Variants in MYRIP observed in about 807,000 individuals in gnomAD.
MYRIP encodes the protein rab effector MyRIP.
In MYRIP, 49 loss-of-function variants were observed where a neutral mutation model predicts 98.0. The observed-to-expected ratio is 0.50, with a 90% CI of 0.40 to 0.63. The LOEUF (loss-of-function observed/expected upper bound fraction) is 0.63. Among genes scored for constraint, MYRIP ranks in the 30% least tolerant of loss-of-function variants. The pLI, the probability that MYRIP is intolerant of heterozygous loss-of-function variation, is 0.00. For synonymous variants in MYRIP, 404 were observed against 409.5 expected, an observed-to-expected ratio of 0.99 and a Z score of 0.16; for missense variants, 1,004 against 1,058.2, an observed-to-expected ratio of 0.95 and a Z score of 0.71.
intron 2 of MYRIP, among the ~76,000 whole-genome samples, chr3:39,997,057 A>G (rs1946378556): frequency 1.3e-5 from 2 of 152,218 alleles, no homozygotes; most frequent in South Asian, 4.1e-4. Flanking sequence ...AATTTATAGC[A>G]CTAAATGCCC....
intron 1 of MYRIP, among the ~76,000 whole-genome samples, chr3:39,895,632 A>C (rs914662691): frequency 6.6e-6 from 1 of 152,190 alleles, no homozygotes; most frequent in Non-Finnish European, 1.5e-5. Context: ...AAGAACTAAT[A>C]TTGTAAAGAT....
At chr3:39,862,829 AT>A (rs1286489062) in intron 1 of MYRIP, among the ~76,000 whole-genome samples, 1 of 152,204 alleles carries the variant, frequency 6.6e-6, no homozygotes, top group Admixed American at 6.5e-5. Context: ...AAACAACAGA[AT>A]ATCCATCCAT....
At chr3:39,878,195 G>A (rs139798229) in intron 1 of MYRIP, among the ~76,000 whole-genome samples, 92 of 152,304 alleles carry the variant, frequency 6.0e-4, no homozygotes, top group Middle Eastern at 3.4e-3. Flanking sequence ...TAGGCCTGTC[G>A]GAGAAGCGCA....
At chr3:39,834,531 T>C (rs1469885447) in intron 1 of MYRIP, among the ~76,000 whole-genome samples, 1 of 152,200 alleles carries the variant, frequency 6.6e-6, no homozygotes, top group East Asian at 1.9e-4. Context: ...TGGTAAAGTT[T>C]AACTAAATTT....
At position 39,882,973 on chromosome 3, in the gene MYRIP, AT is replaced by A. The variant is rs147778865; in HGVS notation, c.-30-17813del. ...AAGCTGAATAAAATATGAGAGAAAAATAAAAAATATGTCTCTTTAAAGCCAT... is the reference window on the plus strand; with the variant it reads ...AAGCTGAATAAAATATGAGAGAAAAAAAAAAATATGTCTCTTTAAAGCCAT... On this transcript the variant is annotated intron_variant, in intron 1 of 16. Transcript: ENST00000302541. Among the ~76,000 whole-genome samples the A allele has an allele frequency of 8.3e-3, 1,237 of 149,876 alleles. 28 individuals carry two copies. The highest frequency in any genetic ancestry group is 0.029 in the African/African-American group (1,140 of 39,518).
chr3:40,251,105 C>T (rs373047889), intron 15 of MYRIP, among the ~76,000 whole-genome samples: 1 of 152,330 alleles, frequency 6.6e-6, no homozygotes, highest in Middle Eastern at 3.4e-3. Flanking sequence ...CCAGTCATGT[C>T]GCCTTTATCT....
At chr3:39,850,098 C>T (rs1242133441) in intron 1 of MYRIP, among the ~76,000 whole-genome samples, 3 of 152,080 alleles carry the variant, frequency 2.0e-5, no homozygotes, top group African/African-American at 2.4e-5. Context: ...CACAGGGAGT[C>T]GAGTAGAGGA....
chr3:39,827,771 C>T lies in MYRIP; in HGVS notation c.-31+17855C>T, dbSNP rs557571088. Among the ~76,000 whole-genome samples, 10 of 152,228 alleles carry T rather than the reference C, an allele frequency of 6.6e-5. No individual in the cohort carries two copies. The East Asian group carries it at 1.9e-3, about 29-fold the overall frequency. Reference sequence around the variant, plus strand: ...CCCCATGGAAGATGCCCTTGAGCATCTTGTCTAGTGGTGATCAATTCCCTG... The same window carrying T: ...CCCCATGGAAGATGCCCTTGAGCATTTTGTCTAGTGGTGATCAATTCCCTG... On this transcript the variant is annotated intron_variant, in intron 1 of 16. Coordinates refer to ENST00000302541, the MANE Select transcript of MYRIP (RefSeq NM_015460.4).
intron 2 of MYRIP, among the ~76,000 whole-genome samples, chr3:39,951,344 G>C (rs1284678939): frequency 6.6e-6 from 1 of 151,830 alleles, no homozygotes; most frequent in Admixed American, 6.6e-5. Flanking sequence ...TGGGTGAAGG[G>C]GAAGGAGATT....
At chr3:39,887,294 G>T (rs988547335) in intron 1 of MYRIP, among the ~76,000 whole-genome samples, 3 of 151,472 alleles carry the variant, frequency 2.0e-5, no homozygotes, top group African/African-American at 7.3e-5. Flanking sequence ...AAAAGCAAGA[G>T]CAAACACATT....
chr3:40,119,773 G>C (rs376776798), intron 3 of MYRIP, among the ~76,000 whole-genome samples: 5 of 152,032 alleles, frequency 3.3e-5, no homozygotes, highest in African/African-American at 1.2e-4. Context: ...TTGTGGGGTG[G>C]GGGGAGCAGG....
At chr3:40,039,075 C>G (rs1357364462) in intron 2 of MYRIP, among the ~76,000 whole-genome samples, 1 of 152,100 alleles carries the variant, frequency 6.6e-6, no homozygotes, top group Non-Finnish European at 1.5e-5. Flanking sequence ...TCTGTTCGGC[C>G]TGGAGCTGGG....
chr3:39,903,973 C>T (rs954436890), intron 2 of MYRIP, among the ~76,000 whole-genome samples: 2 of 152,200 alleles, frequency 1.3e-5, no homozygotes, highest in Admixed American at 6.5e-5. Flanking sequence ...AAGGTCCACT[C>T]ATTAGTCTGG....
intron 2 of MYRIP, among the ~76,000 whole-genome samples, chr3:40,026,079 G>A (rs558149895): frequency 2.0e-5 from 3 of 152,168 alleles, no homozygotes; most frequent in East Asian, 1.9e-4. Context: ...AGACCAGAGC[G>A]TATTTCAGTC....
chr3:39,957,683 A>T (rs1040968710), intron 2 of MYRIP, among the ~76,000 whole-genome samples: 1 of 151,620 alleles, frequency 6.6e-6, no homozygotes, highest in Non-Finnish European at 1.5e-5. Flanking sequence ...GGCCAGGGCA[A>T]TCAGGCAGGA....
At chr3:40,248,879 C>T (rs1953284527) in intron 13 of MYRIP, among the ~76,000 whole-genome samples, 1 of 152,248 alleles carries the variant, frequency 6.6e-6, no homozygotes, top group Admixed American at 6.5e-5. Context: ...GGGAAGGACT[C>T]AAGTGGTGCC....
intron 2 of MYRIP, among the ~76,000 whole-genome samples, chr3:39,935,109 C>T (rs1191500937): frequency 6.6e-6 from 1 of 152,146 alleles, no homozygotes; most frequent in Non-Finnish European, 1.5e-5. Context: ...AACCACATAC[C>T]TTGAGTTCAG....
chr3:40,211,244 A>G (rs1951919351), intron 11 of MYRIP, among the ~76,000 whole-genome samples: 1 of 152,020 alleles, frequency 6.6e-6, no homozygotes, highest in Admixed American at 6.6e-5. Context: ...TTAGAGAAAA[A>G]CCTCCCAGGT....
chr3:39,922,999 A>G (rs900976649), intron 2 of MYRIP, among the ~76,000 whole-genome samples: 5 of 152,238 alleles, frequency 3.3e-5, no homozygotes, highest in African/African-American at 1.2e-4. Flanking sequence ...ACGAGGAAGT[A>G]CAAAGTCTCC....
Sources: allele counts gnomAD v4.1 joint callset (sites outside exome capture counted in the v4.1 genomes callset), GRCh38; gene constraint gnomAD v4.1.1; transcripts MANE v1.5; gene names NCBI Gene and HGNC (gene_info 2026-07-23, HGNC 2026-07-21).